RELN: variants seen among roughly 807,000 people sequenced by gnomAD.
The protein encoded by RELN is reelin.
RELN carries 108 observed loss-of-function variants against 427.6 expected under a neutral mutation model. The observed-to-expected ratio is 0.25, with a 90% CI of 0.22 to 0.30. The LOEUF (loss-of-function observed/expected upper bound fraction) is 0.30. RELN is among the 10% of genes least tolerant of loss of function. The pLI is 1.00. For missense variants in RELN, 3,715 were observed against 4,302.8 expected (o/e 0.86, Z 3.82); for synonymous variants, 1,524 against 1,513.4 (o/e 1.01, Z -0.16).
chr7:103,840,761 G>A (rs566168569), intron 2 of RELN, among the ~76,000 whole-genome samples: 42 of 152,108 alleles, frequency 2.8e-4, no homozygotes, highest in South Asian at 4.2e-4. Context: ...AACCATTCTG[G>A]GGATAATTAA....
intron 34 of RELN, among the ~76,000 whole-genome samples, chr7:103,564,690 G>A (rs771720159): frequency 7.2e-5 from 11 of 152,110 alleles, no homozygotes; most frequent in Non-Finnish European, 1.3e-4. Context: ...CAAGGATCTC[G>A]GGGGAGCAGT....
intron 52 of RELN, among the ~76,000 whole-genome samples, chr7:103,502,110 C>G (rs1829050533): frequency 1.3e-5 from 2 of 152,190 alleles, no homozygotes; most frequent in South Asian, 4.1e-4. Flanking sequence ...CTAGAGTTCA[C>G]TTATCTTTGG....
chr7:103,514,696 C>G (rs1829515944), intron 50 of RELN, among the ~76,000 whole-genome samples: 1 of 152,096 alleles, frequency 6.6e-6, no homozygotes, highest in Admixed American at 6.6e-5. Context: ...CTTCCTGCTT[C>G]ACCAATATCA....
At chr7:103,890,856 T>C (rs951115553) in intron 2 of RELN, among the ~76,000 whole-genome samples, 2 of 152,120 alleles carry the variant, frequency 1.3e-5, no homozygotes, top group Admixed American at 6.5e-5. Context: ...GGCGGGCAGA[T>C]AATGAGGTCA....
intron 4 of RELN, among the ~76,000 whole-genome samples, chr7:103,773,113 TTTC>T (rs1242735145): frequency 3.7e-5 from 2 of 53,954 alleles, no homozygotes; most frequent in African/African-American, 1.1e-4. Context: ...TCTTTCTTTC[TTTC>T]TTTCTTTCTT....
intron 3 of RELN, among the ~76,000 whole-genome samples, chr7:103,804,385 A>T (rs1792545734): frequency 6.6e-6 from 1 of 152,136 alleles, no homozygotes; most frequent in African/African-American, 2.4e-5. Flanking sequence ...AGTGGTATGA[A>T]GAGAAACCCA....
At chr7:103,596,377 A>G (rs1831536970) in intron 25 of RELN, 79 bp downstream of exon 25, 1 of 1,286,238 alleles carries the variant, frequency 7.8e-7, no homozygotes. Context: ...AACAGTTAAC[A>G]TTTTGGAAAC....
intron 3 of RELN, among the ~76,000 whole-genome samples, chr7:103,797,656 C>T (rs1011182533): frequency 2.0e-5 from 3 of 152,110 alleles, no homozygotes; most frequent in East Asian, 3.8e-4. Context: ...TTTGTAAATA[C>T]AAAAATTTCC....
At chr7:103,694,335 T>C (rs1013120484) in intron 10 of RELN, among the ~76,000 whole-genome samples, 1 of 152,130 alleles carries the variant, frequency 6.6e-6, no homozygotes. Context: ...TGGATTTGAA[T>C]CCTTACCCTG....
intron 1 of RELN, among the ~76,000 whole-genome samples, chr7:103,957,614 T>C (rs4407801): frequency 0.49 from 74,191 of 151,988 alleles, 18,596 homozygotes; most frequent in African/African-American, 0.54. Context: ...ACGTGCTCAC[T>C]CACAGTCAAC....
intron 2 of RELN, among the ~76,000 whole-genome samples, chr7:103,868,923 A>G (rs1045360414): frequency 7.9e-5 from 12 of 151,974 alleles, no homozygotes; most frequent in African/African-American, 2.7e-4. Flanking sequence ...CTTTCAATCT[A>G]TTTGCTTTTT....
chr7:103,817,957 A>AAAAAG (rs1792919011), intron 3 of RELN, among the ~76,000 whole-genome samples: 4 of 150,376 alleles, frequency 2.7e-5, no homozygotes, highest in South Asian at 2.1e-4. Flanking sequence ...AAAAAAAAAA[A>AAAAAG]AAAAGAAAAG....
intron 25 of RELN, 139 bp from the exon 26 acceptor site, chr7:103,594,631 T>C (rs188295301): frequency 9.3e-6 from 8 of 858,466 alleles, no homozygotes; most frequent in African/African-American, 8.4e-5. Context: ...GCCCGTAAGT[T>C]TGGACATATC....
At chr7:103,762,838 C>T (rs1791336282) in intron 4 of RELN, among the ~76,000 whole-genome samples, 1 of 151,988 alleles carries the variant, frequency 6.6e-6, no homozygotes, top group Non-Finnish European at 1.5e-5. Flanking sequence ...AGATTTAAGG[C>T]AGCTTACAAA....
chr7:103,576,342 G>A (rs1031912178), intron 28 of RELN, among the ~76,000 whole-genome samples: 10 of 152,120 alleles, frequency 6.6e-5, no homozygotes, highest in Non-Finnish European at 2.9e-5. Flanking sequence ...GTTTCACTAC[G>A]TTGGCCAGGC....
chr7:103,847,013 A>G (rs1285664047), intron 2 of RELN, among the ~76,000 whole-genome samples: 1 of 151,992 alleles, frequency 6.6e-6, no homozygotes, highest in African/African-American at 2.4e-5. Context: ...CAGTGTGGCG[A>G]CTCCTCAAGG....
chr7:103,842,972 T>C (rs1295247770), intron 2 of RELN, among the ~76,000 whole-genome samples: 6 of 152,160 alleles, frequency 3.9e-5, no homozygotes, highest in African/African-American at 1.2e-4. Context: ...AGGGGAAAAG[T>C]TGACAGCATA....
chr7:103,763,042 A>G (rs1584473302), intron 4 of RELN, among the ~76,000 whole-genome samples: 1 of 152,214 alleles, frequency 6.6e-6, no homozygotes, highest in Non-Finnish European at 1.5e-5. Flanking sequence ...TATTCAGGAG[A>G]AGGACAGTTA....
intron 12 of RELN, among the ~76,000 whole-genome samples, chr7:103,657,217 T>C (rs1032151345): frequency 2.0e-5 from 3 of 152,084 alleles, no homozygotes; most frequent in African/African-American, 7.2e-5. Flanking sequence ...TCTTATGATT[T>C]TGACATTTAT....
Sources: allele counts gnomAD v4.1 joint callset (sites outside exome capture counted in the v4.1 genomes callset), GRCh38; gene constraint gnomAD v4.1.1; transcripts MANE v1.5; gene names NCBI Gene and HGNC (gene_info 2026-07-23, HGNC 2026-07-21).